The following RANBP2 variants were observed in gnomAD, a reference collection of about 807,000 sequenced individuals.
RANBP2 encodes the protein E3 SUMO-protein ligase RanBP2.
Under a neutral mutation model 303.6 loss-of-function variants are expected in RANBP2, and 57 were observed. The ratio of observed to expected loss-of-function variants is 0.19; its 90% CI spans 0.15 to 0.23. RANBP2 has a LOEUF of 0.23. RANBP2 is among the 10% of genes least tolerant of loss of function. The probability of loss-of-function intolerance (pLI) is 1.00; values close to 1 mark genes in which losing one functional copy is unlikely to be tolerated. For synonymous variants in RANBP2, 1,167 were observed against 1,301.5 expected (o/e 0.90, Z 2.23); for missense variants, 3,138 against 3,780.8 (o/e 0.83, Z 4.46).
At chr2:109,317,907 A>T in the RANBP2 span, among the ~76,000 whole-genome samples, 1 of 151,948 alleles carries the variant, frequency 6.6e-6, no homozygotes, top group Non-Finnish European at 1.5e-5. Context: ...GGCCAGCAGC[A>T]GCTCGCTGGC....
the RANBP2 span, among the ~76,000 whole-genome samples, chr2:109,488,119 C>T: frequency 6.6e-6 from 1 of 152,314 alleles, no homozygotes; most frequent in Non-Finnish European, 1.5e-5. Flanking sequence ...GAGTGGGCTC[C>T]GCCGGGACAC....
At chr2:108,815,834 G>A in the RANBP2 span, 1 of 922,282 alleles carries the variant, frequency 1.1e-6, no homozygotes, top group Non-Finnish European at 1.6e-6. Context: ...ACATTTTAGT[G>A]AATTACTTTA....
At chr2:108,894,326 C>CACTT in the RANBP2 span, 1 of 152,512 alleles carries the variant, frequency 6.6e-6, no homozygotes, top group African/African-American at 2.4e-5. Flanking sequence ...ACATTTTAGG[C>CACTT]ACTTTGTTTA....
At chr2:109,615,146 C>T in the RANBP2 span, 4 of 1,549,544 alleles carry the variant, frequency 2.6e-6, no homozygotes, top group South Asian at 1.2e-5. Context: ...TGAAGAGGAG[C>T]GTGTGTCCCG....
chr2:109,359,719 T>TG, the RANBP2 span, among the ~76,000 whole-genome samples: 1 of 152,144 alleles, frequency 6.6e-6, no homozygotes, highest in African/African-American at 2.4e-5. Flanking sequence ...CCTGACCTTA[T>TG]GTAATGGGTT....
At chr2:109,306,374 A>G in the RANBP2 span, among the ~76,000 whole-genome samples, 1 of 152,234 alleles carries the variant, frequency 6.6e-6, no homozygotes, top group Non-Finnish European at 1.5e-5. Flanking sequence ...CAGCACCTGC[A>G]GAGTGCTTGG....
chr2:108,722,356 T>A (rs1694329759), intron 1 of RANBP2, among the ~76,000 whole-genome samples: 1 of 152,098 alleles, frequency 6.6e-6, no homozygotes, highest in Non-Finnish European at 1.5e-5. Flanking sequence ...GTGAAGCTAT[T>A]CTGTAAAGTT....
At chr2:109,220,325 T>C in the RANBP2 span, among the ~76,000 whole-genome samples, 7 of 152,148 alleles carry the variant, frequency 4.6e-5, no homozygotes, top group South Asian at 1.2e-3. Context: ...AAAACTGTTA[T>C]AAGAATACAC....
the RANBP2 span, among the ~76,000 whole-genome samples, chr2:108,834,895 A>G: frequency 7.9e-5 from 12 of 152,346 alleles, no homozygotes; most frequent in African/African-American, 2.4e-4. Flanking sequence ...ACAGAATTCT[A>G]TTTGATTCTT....
the RANBP2 span, among the ~76,000 whole-genome samples, chr2:109,037,653 A>G: frequency 6.6e-6 from 1 of 152,204 alleles, no homozygotes; most frequent in East Asian, 1.9e-4. Flanking sequence ...TCATTTCTAT[A>G]TATTAACAAT....
At chr2:109,562,697 C>T in the RANBP2 span, among the ~76,000 whole-genome samples, 1 of 152,148 alleles carries the variant, frequency 6.6e-6, no homozygotes, top group Non-Finnish European at 1.5e-5. Flanking sequence ...ACCCCTTCCA[C>T]CTCAGTGCAC....
chr2:109,574,443 TAAAAAAAAAAAAAA>T, the RANBP2 span: 2 of 271,402 alleles, frequency 7.4e-6, no homozygotes, highest in Non-Finnish European at 5.7e-6. Context: ...ACTTTATCTC[TAAAAAAAAAAAAAA>T]AAAAAAAAAT....
chr2:108,737,616 T>C (rs942788299), intron 6 of RANBP2, among the ~76,000 whole-genome samples: 1 of 150,008 alleles, frequency 6.7e-6, no homozygotes, highest in Non-Finnish European at 1.5e-5. Context: ...TGGTGCAGTC[T>C]CGGCTCACTG....
the RANBP2 span, among the ~76,000 whole-genome samples, chr2:108,987,076 G>A: frequency 1.7e-4 from 26 of 152,352 alleles, no homozygotes; most frequent in African/African-American, 6.0e-4. Context: ...ACTGAGCCCA[G>A]CTGAGGGGCT....
At chr2:108,923,386 G>A in the RANBP2 span, 3 of 1,614,068 alleles carry the variant, frequency 1.9e-6, no homozygotes, top group East Asian at 2.2e-5. Flanking sequence ...GTGTTGGGGG[G>A]TGCCAGGAGG....
At chr2:108,885,159 T>TA in the RANBP2 span, 2 of 152,238 alleles carry the variant, frequency 1.3e-5, no homozygotes, top group African/African-American at 4.8e-5. Context: ...AACCCACCTT[T>TA]ACCCGCCCCC....
the RANBP2 span, among the ~76,000 whole-genome samples, chr2:109,238,857 C>G: frequency 1.3e-5 from 2 of 152,130 alleles, no homozygotes; most frequent in African/African-American, 4.8e-5. Context: ...GGGGCAGTCC[C>G]TTCTCTCTGT....
the RANBP2 span, among the ~76,000 whole-genome samples, chr2:109,477,373 T>C: frequency 5.3e-5 from 8 of 152,278 alleles, no homozygotes; most frequent in African/African-American, 1.9e-4. Flanking sequence ...CCACAATCAT[T>C]CATTCCCCAC....
chr2:108,767,706 C>G lies in RANBP2; in HGVS notation c.7167C>G (p.Asp2389Glu). 1 of 1,611,962 alleles carries G rather than the reference C, an allele frequency of 6.2e-7. No homozygotes were observed. The highest frequency in any genetic ancestry group is 8.5e-7 in the Non-Finnish European group (1 of 1,179,864). Reference sequence around the variant, plus strand: ...GTGCCAATCACAGAATAACTCCAGACATGACTTTGCAAAATATGAAAGGGA... The same window carrying G: ...GTGCCAATCACAGAATAACTCCAGAGATGACTTTGCAAAATATGAAAGGGA... The part of the protein sequence containing the change: ...KLCANHRITP[D>E]MTLQNMKGTE... Residue 2389 changes from aspartate (D) to glutamate (E), a missense_variant, in exon 20 of 29, where the codon GAC becomes GAG. Transcript: ENST00000283195.
Sources: gnomAD v4.1 joint callset for allele counts (sites outside exome capture counted in the v4.1 genomes callset) on GRCh38, gnomAD v4.1.1 for gene constraint, MANE v1.5 for transcripts, NCBI Gene and HGNC (gene_info 2026-07-23, HGNC 2026-07-21) for gene names.